TEX11: variants seen among roughly 807,000 people sequenced by gnomAD.
The protein encoded by TEX11 is testis-expressed protein 11.
A neutral mutation model predicts 84.4 loss-of-function variants in TEX11; 7 were observed. The observed-to-expected ratio is 0.08, with a 90% CI of 0.05 to 0.16. The LOEUF (loss-of-function observed/expected upper bound fraction) is 0.16, where lower values mean the gene tolerates loss of function less well. TEX11 is among the 10% of genes least tolerant of loss of function. TEX11 has a pLI of 1.00. For missense variants in TEX11, 551 were observed against 660.5 expected (o/e 0.83, Z 1.82); for synonymous variants, 264 against 222.8 (o/e 1.18, Z -1.64).
At position 70,788,973 on chromosome X, in the gene TEX11, TAGAGAGAGAGAGAGAGAGAG is replaced by T. The variant is rs35956435; in HGVS notation, c.692+17712_692+17731del. ...ATATATATATATATATATATATATA[TAGAGAGAGAGAGAGAGAGAG>T]AGAGAGAGAGAGAGAGAGAGAGCAA... is the stretch of plus-strand genomic sequence containing the variant. On this transcript the variant is annotated intron_variant, in intron 9 of 29. Transcript: ENST00000374333. Among the ~76,000 whole-genome samples, 55 of 9,548 alleles carry T rather than the reference TAGAGAGAGAGAGAGAGAGAG, an allele frequency of 5.8e-3. 1 individual carries two copies. The highest frequency in any genetic ancestry group is 9.2e-3 in the Non-Finnish European group (51 of 5,519). 8.3% of individuals were successfully genotyped at this position (9,548 alleles called of 115,157 possible).
At chrX:70,617,031 T>C (rs1391611607) in intron 20 of TEX11, among the ~76,000 whole-genome samples, 1 of 111,470 alleles carries the variant, frequency 9.0e-6, no homozygotes, top group East Asian at 2.8e-4. Context: ...TAAAAGTGTA[T>C]AATCAATAAA....
intron 7 of TEX11, among the ~76,000 whole-genome samples, chrX:70,852,373 G>A (rs2091513241): frequency 9.0e-6 from 1 of 111,304 alleles, no homozygotes; most frequent in Admixed American, 9.6e-5. Context: ...TTTTTTGGTA[G>A]AGATGGGGGT....
At chrX:70,821,801 G>A (rs1302167591) in intron 8 of TEX11, among the ~76,000 whole-genome samples, 1 of 111,737 alleles carries the variant, frequency 8.9e-6, no homozygotes, top group African/African-American at 3.3e-5. Context: ...GGAGAAAAGG[G>A]AGCCCTTGTA....
chrX:70,875,396 A>G (rs1253713962), intron 3 of TEX11, among the ~76,000 whole-genome samples: 4 of 110,067 alleles, frequency 3.6e-5, no homozygotes, highest in African/African-American at 1.3e-4. Context: ...ATAAAGAAAT[A>G]GGTGAATTAT....
chrX:70,566,123 C>T (rs1224100761), intron 25 of TEX11, among the ~76,000 whole-genome samples: 1 of 106,929 alleles, frequency 9.4e-6, no homozygotes, highest in Non-Finnish European at 1.9e-5. Context: ...CCTTCACATC[C>T]CTTGTAAGTT....
chrX:70,723,684 G>A (rs2090577874), intron 12 of TEX11, among the ~76,000 whole-genome samples: 1 of 111,341 alleles, frequency 9.0e-6, no homozygotes, highest in Non-Finnish European at 1.9e-5. Flanking sequence ...TCTAGTGGAT[G>A]GTAGGACCAT....
chrX:70,730,703 G>T (rs1194205090), intron 11 of TEX11, among the ~76,000 whole-genome samples: 1 of 111,415 alleles, frequency 9.0e-6, no homozygotes, highest in Non-Finnish European at 1.9e-5. Context: ...CAATAATAAT[G>T]GGAGACTTTA....
chrX:70,861,061 CTTTTTTT>C, intron 4 of TEX11, 125 bp from the exon 5 acceptor site: 2 of 238,968 alleles, frequency 8.4e-6, no homozygotes, highest in Non-Finnish European at 1.4e-5. Flanking sequence ...TTGTAAAGGC[CTTTTTTT>C]TTTTTTTTTT....
intron 2 of TEX11, among the ~76,000 whole-genome samples, chrX:70,885,210 A>G (rs2091701798): frequency 8.9e-6 from 1 of 111,907 alleles, no homozygotes; most frequent in African/African-American, 3.2e-5. Flanking sequence ...AAGCCCATGA[A>G]GAATGAGAGA....
At position 70,740,746 on chromosome X, in the gene TEX11, G is replaced by C. The variant is rs143356948; in HGVS notation, c.798C>G (p.Thr266=). 1.7e-6 allele frequency: 2 copies of C among 1,198,081 alleles called. No individual in the cohort carries two copies. Among genetic ancestry groups the C allele is most frequent in the Non-Finnish European group, 2.3e-6 (2 of 887,856 alleles). Residue 266 remains threonine, a synonymous_variant, in exon 11 of 30, where the codon ACC becomes ACG. Transcript: ENST00000374333. ...LATNYLDWDD[T]KYYDKALNAV... is the part of the protein sequence containing the mutation. ...CATTGAGAGCCTTATCATAATATTT[G>C]GTGTCATCCCAATCCAAATAATTCG...
intron 25 of TEX11, among the ~76,000 whole-genome samples, chrX:70,587,415 C>T (rs2088867903): frequency 8.9e-6 from 1 of 112,477 alleles, no homozygotes; most frequent in African/African-American, 3.2e-5. Context: ...TAGCCACATC[C>T]TAGCCATGGC....
At chrX:70,890,129 C>T (rs188179497) in intron 2 of TEX11, among the ~76,000 whole-genome samples, 3 of 110,692 alleles carry the variant, frequency 2.7e-5, no homozygotes, top group East Asian at 5.7e-4. Flanking sequence ...GCAGGAGTAC[C>T]GATACTTATG....
chrX:70,565,377 T>C (rs1400486633), intron 25 of TEX11, among the ~76,000 whole-genome samples: 1 of 107,703 alleles, frequency 9.3e-6, no homozygotes, highest in Non-Finnish European at 1.9e-5. Flanking sequence ...GATGGTAGTT[T>C]CTTTTGCTGT....
At chrX:70,689,725 G>A (rs775906024) in intron 13 of TEX11, among the ~76,000 whole-genome samples, 3 of 111,859 alleles carry the variant, frequency 2.7e-5, no homozygotes, top group African/African-American at 9.7e-5. Context: ...ACGAATTAGG[G>A]AGAAGAGACA....
chrX:70,904,537 T>C (rs2091819779), intron 2 of TEX11, among the ~76,000 whole-genome samples: 1 of 112,121 alleles, frequency 8.9e-6, no homozygotes, highest in South Asian at 3.7e-4. Context: ...ATATCAAATA[T>C]TAGTAAGGAT....
At chrX:70,855,719 C>T (rs1354056310) in intron 5 of TEX11, among the ~76,000 whole-genome samples, 1 of 111,065 alleles carries the variant, frequency 9.0e-6, no homozygotes, top group East Asian at 2.8e-4. Context: ...GCCATTAGGG[C>T]GGGCCCTAAT....
chrX:70,682,682 A>G lies in TEX11; in HGVS notation c.1148T>C (p.Ile383Thr), dbSNP rs1175350982. The G allele has an allele frequency of 5.8e-6, 7 of 1,207,628 alleles. No homozygotes were observed. The African/African-American group carries it at 8.7e-5, about 15-fold the overall frequency. ...ELLAKEKIEE[I>T]FLAHQTGRQL... Reference sequence around the variant, plus strand: ...GCGAAAATCCTACTGACCTAAAAAGATTTCTTCAATCTTCTCCTTGGCAAG... The same window carrying G: ...GCGAAAATCCTACTGACCTAAAAAGGTTTCTTCAATCTTCTCCTTGGCAAG... The change falls in exon 14 of 30, where the codon ATC (isoleucine) becomes ACC (threonine). Residue 383 changes from isoleucine to threonine, a missense_variant. Physicochemically the swap from Ile to Thr is moderately conservative, Grantham distance 89. Coordinates refer to ENST00000374333, the MANE Select transcript of TEX11 (RefSeq NM_031276.3).
In TEX11 at chrX:70,541,673, G is replaced by A. The variant is rs969999476; in HGVS notation, c.2520+10453C>T. 2.7e-5 allele frequency among the ~76,000 whole-genome samples: 3 copies of A among 111,418 alleles called. No individual in the cohort carries two copies. In the Admixed American group the frequency reaches 2.9e-4, roughly 11 times the overall value. ...CTTGGGAGGCTGAGGCATGAGAATCGCTTGAACCTGGGAGGCGGAGGTTGC... is the reference window on the plus strand; with the variant it reads ...CTTGGGAGGCTGAGGCATGAGAATCACTTGAACCTGGGAGGCGGAGGTTGC... On this transcript the variant is annotated intron_variant, in intron 28 of 29. Coordinates refer to ENST00000374333, the MANE Select transcript of TEX11 (RefSeq NM_031276.3).
In TEX11 at chrX:70,629,684, T is replaced by C. The variant is rs778488744; in HGVS notation, c.1535A>G (p.Glu512Gly). Residue 512 changes from glutamate to glycine, a missense_variant, in exon 18 of 30, where the codon GAA becomes GGA. Glu to Gly is a moderately conservative substitution (Grantham distance 98). Coordinates refer to ENST00000374333, the MANE Select transcript of TEX11 (RefSeq NM_031276.3). ...LENILTDEESEDNDLVAERGS... is the reference protein window; with the variant it reads ...LENILTDEESGDNDLVAERGS... ...TCTCTCTGCAACTAGATCATTATCT[T>C]CTGACTCTTCATCTGTTAATATATT... is the stretch of plus-strand genomic sequence containing the variant. 8.4e-7 allele frequency: 1 copy of C among 1,193,660 alleles called. No homozygotes were observed. The highest frequency in any genetic ancestry group is 1.8e-5 in the South Asian group (1 of 55,853).
Sources: allele counts gnomAD v4.1 joint callset (sites outside exome capture counted in the v4.1 genomes callset), GRCh38; gene constraint gnomAD v4.1.1; transcripts MANE v1.5; gene names NCBI Gene and HGNC (gene_info 2026-07-23, HGNC 2026-07-21).